LRMDA: variants seen among roughly 807,000 people sequenced by gnomAD.
The protein encoded by LRMDA is leucine rich melanocyte differentiation associated.
A neutral mutation model predicts 29.8 loss-of-function variants in LRMDA; 18 were observed. The observed-to-expected ratio is 0.60, with a 90% CI of 0.42 to 0.90. The LOEUF (loss-of-function observed/expected upper bound fraction) is 0.90, where lower values mean the gene tolerates loss of function less well. Ranked by LOEUF, LRMDA falls within the 40% of genes least tolerant of loss-of-function variation. The probability of loss-of-function intolerance (pLI) is 0.00; values close to 1 mark genes in which losing one functional copy is unlikely to be tolerated. For synonymous variants in LRMDA, 125 were observed against 109.4 expected (o/e 1.14, Z -0.89); for missense variants, 273 against 273.9 (o/e 1.00, Z 0.02).
At chr10:75,496,384 A>G (rs912778638) in intron 2 of LRMDA, among the ~76,000 whole-genome samples, 1 of 152,236 alleles carries the variant, frequency 6.6e-6, no homozygotes, top group Non-Finnish European at 1.5e-5. Context: ...GAACACATGT[A>G]AAGTGCTTAG....
At chr10:75,862,800 G>A (rs1844954474) in intron 2 of LRMDA, among the ~76,000 whole-genome samples, 1 of 152,152 alleles carries the variant, frequency 6.6e-6, no homozygotes, top group Non-Finnish European at 1.5e-5. Context: ...AGTACCCTCA[G>A]GATGTTTTTC....
intron 6 of LRMDA, 25 bp downstream of exon 6, chr10:76,324,510 C>G: frequency 6.2e-7 from 1 of 1,605,042 alleles, no homozygotes; most frequent in Admixed American, 1.7e-5. Flanking sequence ...TTTTATTGCT[C>G]TCAGTGGGTG....
intron 6 of LRMDA, among the ~76,000 whole-genome samples, chr10:76,450,359 T>C (rs1228641443): frequency 3.3e-5 from 5 of 152,120 alleles, no homozygotes; most frequent in Non-Finnish European, 1.5e-5. Context: ...CTTTTCATTT[T>C]TGTAGGATTT....
intron 2 of LRMDA, among the ~76,000 whole-genome samples, chr10:75,641,266 G>A (rs1422263731): frequency 1.3e-5 from 2 of 152,096 alleles, no homozygotes; most frequent in African/African-American, 2.4e-5. Context: ...TTGGTTAGAC[G>A]ATGGGAGGAG....
chr10:75,473,969 C>G (rs943124126), intron 2 of LRMDA, among the ~76,000 whole-genome samples: 1 of 152,134 alleles, frequency 6.6e-6, no homozygotes, highest in East Asian at 1.9e-4. Flanking sequence ...GGGGTGAGGT[C>G]CAAGAGTTTG....
chr10:75,750,365 G>A (rs1177021750), intron 2 of LRMDA, among the ~76,000 whole-genome samples: 1 of 151,878 alleles, frequency 6.6e-6, no homozygotes, highest in African/African-American at 2.4e-5. Flanking sequence ...CTCAGACGGG[G>A]CAGCAGGGCA....
In LRMDA at chr10:75,585,175, C is replaced by A. The variant is rs569845285; in HGVS notation, c.131+146681C>A. ...GTACCCTTTCTCTCACCAAGGGCAG[C>A]TGCACACTGTCCTGTCCTCTAGCAG... On this transcript the variant is annotated intron_variant, in intron 2 of 6. Transcript: ENST00000611255. Among the ~76,000 whole-genome samples the A allele has an allele frequency of 1.9e-4, 29 of 152,338 alleles. 1 individual carries two copies. The highest frequency in any genetic ancestry group is 3.4e-4 in the Non-Finnish European group (23 of 68,024).
At chr10:75,718,795 G>T (rs545960696) in intron 2 of LRMDA, among the ~76,000 whole-genome samples, 1 of 152,282 alleles carries the variant, frequency 6.6e-6, no homozygotes, top group South Asian at 2.1e-4. Flanking sequence ...ATAATGAGTT[G>T]TTGAATATCA....
chr10:75,776,247 C>T (rs957234682), intron 2 of LRMDA, among the ~76,000 whole-genome samples: 4 of 152,234 alleles, frequency 2.6e-5, no homozygotes, highest in African/African-American at 9.6e-5. Context: ...CTTTTTCTCT[C>T]GAGAACTTGA....
At chr10:75,938,423 A>C (rs1031506209) in intron 2 of LRMDA, among the ~76,000 whole-genome samples, 1 of 152,212 alleles carries the variant, frequency 6.6e-6, no homozygotes, top group African/African-American at 2.4e-5. Context: ...TTTTGGAAGA[A>C]GGGAGGACTG....
intron 2 of LRMDA, among the ~76,000 whole-genome samples, chr10:75,630,769 T>C (rs77965712): frequency 6.6e-6 from 1 of 152,224 alleles, no homozygotes; most frequent in East Asian, 1.9e-4. Flanking sequence ...TCTCTTAAGG[T>C]GTAAGCACAC....
intron 2 of LRMDA, among the ~76,000 whole-genome samples, chr10:75,543,270 T>G (rs534827078): frequency 6.6e-6 from 1 of 152,296 alleles, no homozygotes; most frequent in African/African-American, 2.4e-5. Flanking sequence ...GAGCTGAACA[T>G]TTTGCTTCTT....
chr10:75,813,639 T>C (rs138906137), intron 2 of LRMDA, among the ~76,000 whole-genome samples: 42 of 152,304 alleles, frequency 2.8e-4, no homozygotes, highest in South Asian at 4.1e-4. Context: ...TTTGAGAAAG[T>C]GATATTTGCC....
intron 6 of LRMDA, among the ~76,000 whole-genome samples, chr10:76,509,989 A>G (rs115749224): frequency 0.014 from 2,120 of 152,268 alleles, 59 homozygotes; most frequent in African/African-American, 0.047. Flanking sequence ...TGTGAAAGTA[A>G]CTAAAGTAGC....
chr10:75,504,497 T>A (rs187486099), intron 2 of LRMDA, among the ~76,000 whole-genome samples: 15 of 152,258 alleles, frequency 9.9e-5, no homozygotes, highest in African/African-American at 2.9e-4. Flanking sequence ...ATAAGTCATA[T>A]CAAAGGTTTG....
At chr10:76,070,404 G>A (rs183684616) in intron 5 of LRMDA, among the ~76,000 whole-genome samples, 131 of 152,330 alleles carry the variant, frequency 8.6e-4, no homozygotes, top group African/African-American at 3.0e-3. Flanking sequence ...GGGTTCAGGT[G>A]TGGGCTCTCT....
At chr10:76,386,080 A>G (rs1220621129) in intron 6 of LRMDA, among the ~76,000 whole-genome samples, 2 of 152,190 alleles carry the variant, frequency 1.3e-5, no homozygotes, top group East Asian at 3.9e-4. Flanking sequence ...AGTGTTGGTC[A>G]GTAATATAAA....
At chr10:76,551,819 A>G (rs1843498938) in intron 6 of LRMDA, among the ~76,000 whole-genome samples, 1 of 152,062 alleles carries the variant, frequency 6.6e-6, no homozygotes, top group Non-Finnish European at 1.5e-5. Context: ...GCTCCTGATC[A>G]CCTTTTCCTC....
At chr10:75,771,261 C>A (rs572901814) in intron 2 of LRMDA, among the ~76,000 whole-genome samples, 13 of 152,236 alleles carry the variant, frequency 8.5e-5, no homozygotes, top group Non-Finnish European at 1.3e-4. Flanking sequence ...CCCTCCTTCC[C>A]TCCTTCCTTC....
Sources: allele counts gnomAD v4.1 joint callset (sites outside exome capture counted in the v4.1 genomes callset), GRCh38; gene constraint gnomAD v4.1.1; transcripts MANE v1.5; gene names NCBI Gene and HGNC (gene_info 2026-07-23, HGNC 2026-07-21).